The following GRIK4 variants were observed in gnomAD, a reference collection of about 807,000 sequenced individuals.
GRIK4 encodes the protein glutamate receptor ionotropic, kainate 4.
A neutral mutation model predicts 104.9 loss-of-function variants in GRIK4; 40 were observed. The ratio of observed to expected loss-of-function variants is 0.38; its 90% CI spans 0.30 to 0.50. GRIK4 has a LOEUF of 0.50. Ranked by LOEUF, GRIK4 falls within the 20% of genes least tolerant of loss-of-function variation. The pLI, the probability that GRIK4 is intolerant of heterozygous loss-of-function variation, is 0.93. For synonymous variants in GRIK4, 485 were observed against 524.9 expected, an observed-to-expected ratio of 0.92 and a Z score of 1.04; for missense variants, 1,047 against 1,308.1, an observed-to-expected ratio of 0.80 and a Z score of 3.08.
At chr11:120,753,109 G>A (rs887852634) in intron 3 of GRIK4, among the ~76,000 whole-genome samples, 3 of 152,260 alleles carry the variant, frequency 2.0e-5, no homozygotes, top group African/African-American at 7.2e-5. Context: ...GAGCAGCTGA[G>A]CACGGATGGG....
rs1344055746 is a variant in GRIK4 at position 120,801,187 on chromosome 11, AT to A, written c.83-1499del. Among the ~76,000 whole-genome samples, 7 of 152,190 alleles carry A rather than the reference AT, an allele frequency of 4.6e-5. No homozygotes were observed. The South Asian group carries it at 1.2e-3, about 27-fold the overall frequency. On this transcript the variant is annotated intron_variant, in intron 3 of 20. Transcript: ENST00000527524. ...ATATGCATGGAACTGTCCAATATGT[AT>A]TTTTTTGTGTATGTCTGGCTTTATT...
intron 13 of GRIK4, among the ~76,000 whole-genome samples, chr11:120,915,148 A>G (rs2850810): frequency 0.63 from 95,228 of 151,916 alleles, 30,563 homozygotes; most frequent in East Asian, 0.84. Flanking sequence ...CGATCCCTGC[A>G]TGCAACCCAC....
At chr11:120,717,911 TG>T (rs1413437111) in intron 3 of GRIK4, among the ~76,000 whole-genome samples, 1 of 152,028 alleles carries the variant, frequency 6.6e-6, no homozygotes, top group Non-Finnish European at 1.5e-5. Flanking sequence ...CCAGCAAGGC[TG>T]GGGTAGGAAA....
At chr11:120,781,286 A>G (rs1002884834) in intron 3 of GRIK4, among the ~76,000 whole-genome samples, 2 of 152,176 alleles carry the variant, frequency 1.3e-5, no homozygotes, top group Non-Finnish European at 2.9e-5. Flanking sequence ...ATCTAATTAT[A>G]TTGAGGGACT....
At chr11:120,601,779 G>A (rs1198810501) in intron 1 of GRIK4, among the ~76,000 whole-genome samples, 1 of 151,932 alleles carries the variant, frequency 6.6e-6, no homozygotes, top group South Asian at 2.1e-4. Flanking sequence ...AGTTTGGGGT[G>A]AAAATGACTC....
At position 120,579,880 on chromosome 11, in the gene GRIK4, C is replaced by T. The variant is rs1591710202; in HGVS notation, c.-159+67993C>T. On this transcript the variant is annotated intron_variant, in intron 1 of 20. Transcript: ENST00000527524. ...GAACATCTCCGTCACCTGCCAAATT[C>T]CCCCACACCCCCGGCAGTCACACTC... Among the ~76,000 whole-genome samples, 2 of 152,294 alleles carry T rather than the reference C, an allele frequency of 1.3e-5. 1 individual carries two copies. The highest frequency in any genetic ancestry group is 4.2e-4 in the South Asian group (2 of 4,814).
At chr11:120,610,061 C>G (rs1420023438) in intron 1 of GRIK4, among the ~76,000 whole-genome samples, 3 of 152,120 alleles carry the variant, frequency 2.0e-5, no homozygotes, top group Non-Finnish European at 4.4e-5. Context: ...TCCCTCCTTC[C>G]CTCCCCATCT....
intron 1 of GRIK4, among the ~76,000 whole-genome samples, chr11:120,626,336 T>C (rs1949258261): frequency 6.6e-6 from 1 of 152,166 alleles, no homozygotes; most frequent in African/African-American, 2.4e-5. Flanking sequence ...AAAATGGGTT[T>C]AAATGATTTA....
chr11:120,760,589 C>T (rs1159269906), intron 3 of GRIK4, among the ~76,000 whole-genome samples: 2 of 151,984 alleles, frequency 1.3e-5, no homozygotes, highest in African/African-American at 2.4e-5. Flanking sequence ...AATGCTATCC[C>T]TCACCTAGAC....
chr11:120,602,790 A>G (rs1948904189), intron 1 of GRIK4, among the ~76,000 whole-genome samples: 1 of 151,580 alleles, frequency 6.6e-6, no homozygotes, highest in African/African-American at 2.4e-5. Flanking sequence ...GCAGCCTTGG[A>G]CTCCTGGGCT....
rs922533102 is a variant in GRIK4 at position 120,565,165 on chromosome 11, C to A, written c.-159+53278C>A. Among the ~76,000 whole-genome samples the A allele has an allele frequency of 7.2e-5, 11 of 152,156 alleles. No homozygotes were observed. The East Asian group carries it at 1.2e-3, about 16-fold the overall frequency. On this transcript the variant is annotated intron_variant, in intron 1 of 20. Coordinates refer to ENST00000527524, the MANE Select transcript of GRIK4 (RefSeq NM_014619.5). ...CTGCCTGTGGGGAGCGCTGTGCCTG[C>A]TCTCCTGCCAGCGCGCCCAGCTGTC...
Position 120,549,633 on chromosome 11 carries a change from C to T in GRIK4, c.-159+37746C>T, listed in dbSNP as rs1221153880. On this transcript the variant is annotated intron_variant, in intron 1 of 20. Transcript: ENST00000527524. The surrounding 1 kb of genome is among the most constrained non-coding windows in gnomAD (Gnocchi z 4.7). ...GGGCGTGTGCAACAGTAAAACGCTG[C>T]TCAGCTCACAGCAGGGGCCTGGGAC... 6.6e-6 allele frequency among the ~76,000 whole-genome samples: 1 copy of T among 152,224 alleles called. No homozygotes were observed. Among genetic ancestry groups the T allele is most frequent in the Admixed American group, 6.5e-5 (1 of 15,284 alleles).
At chr11:120,552,685 G>T (rs1437782228) in intron 1 of GRIK4, among the ~76,000 whole-genome samples, 1 of 152,142 alleles carries the variant, frequency 6.6e-6, no homozygotes, top group Non-Finnish European at 1.5e-5. Flanking sequence ...GCTCGACTTG[G>T]GATTTAGCCA....
chr11:120,693,059 C>T (rs1160398775), intron 3 of GRIK4, among the ~76,000 whole-genome samples: 3 of 151,986 alleles, frequency 2.0e-5, no homozygotes, highest in Middle Eastern at 3.4e-3. Flanking sequence ...AGGGGTTTTA[C>T]GTAAAGAGGC....
At chr11:120,662,299 C>T (rs11217942) in intron 3 of GRIK4, among the ~76,000 whole-genome samples, 7,562 of 152,268 alleles carry the variant, frequency 0.05, 618 homozygotes, top group African/African-American at 0.17. Flanking sequence ...CACTTCCAGC[C>T]GCTTTCCAGC....
At chr11:120,780,123 T>C (rs1464911432) in intron 3 of GRIK4, among the ~76,000 whole-genome samples, 1 of 152,256 alleles carries the variant, frequency 6.6e-6, no homozygotes, top group African/African-American at 2.4e-5. Context: ...GAATGTGCTT[T>C]GTAAACTCTT....
chr11:120,523,309 C>T (rs953471592), intron 1 of GRIK4, among the ~76,000 whole-genome samples: 3 of 151,934 alleles, frequency 2.0e-5, no homozygotes, highest in South Asian at 2.1e-4. Flanking sequence ...ACAAAGCAAT[C>T]GGGCTGTCTG....
At chr11:120,703,274 T>A (rs1950581075) in intron 3 of GRIK4, among the ~76,000 whole-genome samples, 1 of 152,226 alleles carries the variant, frequency 6.6e-6, no homozygotes, top group Non-Finnish European at 1.5e-5. Context: ...ATATTTACAC[T>A]AGATTTAAAC....
intron 3 of GRIK4, among the ~76,000 whole-genome samples, chr11:120,666,015 T>A (rs1303397939): frequency 6.6e-6 from 1 of 152,204 alleles, no homozygotes; most frequent in Non-Finnish European, 1.5e-5. Flanking sequence ...AGGTTAGAGA[T>A]GAATTAGGCC....
Sources: allele counts gnomAD v4.1 joint callset (sites outside exome capture counted in the v4.1 genomes callset), GRCh38; gene constraint gnomAD v4.1.1; non-coding constraint Gnocchi (gnomAD v3.1); transcripts MANE v1.5; gene names NCBI Gene and HGNC (gene_info 2026-07-23, HGNC 2026-07-21).